The following SCNN1G variants were observed in gnomAD, a reference collection of about 807,000 sequenced individuals.
SCNN1G encodes the protein sodium channel epithelial 1 subunit gamma.
A neutral mutation model predicts 64.6 loss-of-function variants in SCNN1G; 27 were observed. The ratio of observed to expected loss-of-function variants is 0.42; its 90% CI spans 0.31 to 0.58. The LOEUF is 0.58. Among genes scored for constraint, SCNN1G ranks in the 20% least tolerant of loss-of-function variants. SCNN1G has a pLI of 0.18. For missense variants in SCNN1G, 743 were observed against 823.4 expected, an observed-to-expected ratio of 0.90 and a Z score of 1.19; for synonymous variants, 330 against 314.2, an observed-to-expected ratio of 1.05 and a Z score of -0.53.
At chr16:23,203,947 G>A (rs530747872) in intron 6 of SCNN1G, among the ~76,000 whole-genome samples, 2 of 151,716 alleles carry the variant, frequency 1.3e-5, no homozygotes, top group Admixed American at 1.3e-4. Flanking sequence ...CATGTGAAAC[G>A]CTTGGAAATG....
chr16:23,213,252 C>G (rs1367814512), intron 11 of SCNN1G, 89 bp downstream of exon 11: 2 of 533,854 alleles, frequency 3.7e-6, no homozygotes, highest in Non-Finnish European at 6.5e-6. Context: ...GCCAAATCCT[C>G]TTTTTTTTTT....
chr16:23,209,542 TTATC>T (rs1339402166), intron 6 of SCNN1G, among the ~76,000 whole-genome samples: 1 of 152,188 alleles, frequency 6.6e-6, no homozygotes, highest in African/African-American at 2.4e-5. Context: ...AGCAGGGAAC[TTATC>T]TATCTTGATC....
intron 1 of SCNN1G, among the ~76,000 whole-genome samples, chr16:23,184,717 T>C (rs1326700237): frequency 6.6e-6 from 1 of 151,346 alleles, no homozygotes; most frequent in East Asian, 1.9e-4. Flanking sequence ...CAGCTTCCAA[T>C]TTTAGCCCAT....
intron 3 of SCNN1G, among the ~76,000 whole-genome samples, chr16:23,191,095 T>C (rs1456905870): frequency 1.3e-5 from 2 of 152,036 alleles, no homozygotes; most frequent in African/African-American, 2.4e-5. Flanking sequence ...TCCCCCTACC[T>C]TGGCCTCCCA....
intron 11 of SCNN1G, 121 bp from the exon 12 acceptor site, chr16:23,214,590 TC>T: frequency 1.3e-6 from 1 of 771,082 alleles, no homozygotes; most frequent in Non-Finnish European, 2.3e-6. Flanking sequence ...GGTTCTAATA[TC>T]CCCAAGGAGC....
chr16:23,214,981 T>C (rs553502766), intron 12 of SCNN1G, 108 bp from the exon 13 acceptor site: 96 of 1,349,258 alleles, frequency 7.1e-5, no homozygotes, highest in Middle Eastern at 6.1e-4. Context: ...CCTCCCAGCC[T>C]GTGCAGGGTC....
intron 2 of SCNN1G, among the ~76,000 whole-genome samples, chr16:23,187,699 T>C (rs1391022503): frequency 2.6e-5 from 4 of 152,088 alleles, no homozygotes; most frequent in Non-Finnish European, 5.9e-5. Context: ...CCCAGCCCCA[T>C]TAATTGAGCT....
chr16:23,185,847 G>A (rs958590583), intron 1 of SCNN1G, among the ~76,000 whole-genome samples: 3 of 152,176 alleles, frequency 2.0e-5, no homozygotes, highest in Non-Finnish European at 4.4e-5. Context: ...GCTACTGGAG[G>A]TGATAAGGCA....
At chr16:23,209,515 A>T (rs1421072629) in intron 6 of SCNN1G, among the ~76,000 whole-genome samples, 2 of 152,204 alleles carry the variant, frequency 1.3e-5, no homozygotes, top group East Asian at 3.8e-4. Context: ...ACCCCACTGG[A>T]AGGTACGTTC....
At chr16:23,191,998 G>C (rs1959715849) in intron 3 of SCNN1G, among the ~76,000 whole-genome samples, 1 of 152,142 alleles carries the variant, frequency 6.6e-6, no homozygotes, top group South Asian at 2.1e-4. Flanking sequence ...CTTGACTTTT[G>C]ATATGATAGG....
At chr16:23,207,520 T>A (rs1960009589) in intron 6 of SCNN1G, among the ~76,000 whole-genome samples, 1 of 152,214 alleles carries the variant, frequency 6.6e-6, no homozygotes, top group South Asian at 2.1e-4. Flanking sequence ...TTGCTACCCA[T>A]CTATTAAGTC....
intron 8 of SCNN1G, 25 bp downstream of exon 8, chr16:23,212,176 T>G: frequency 6.8e-7 from 1 of 1,478,800 alleles, no homozygotes; most frequent in African/African-American, 1.4e-5. Flanking sequence ...GCTCCAGCCT[T>G]GCATGCCCCA....
chr16:23,201,320 A>G (rs1229599440), intron 6 of SCNN1G, among the ~76,000 whole-genome samples: 1 of 152,206 alleles, frequency 6.6e-6, no homozygotes, highest in Admixed American at 6.5e-5. Context: ...GTAAAAGTAT[A>G]AGAACTAAGG....
At chr16:23,203,479 C>T (rs570576489) in intron 6 of SCNN1G, among the ~76,000 whole-genome samples, 2 of 152,126 alleles carry the variant, frequency 1.3e-5, no homozygotes, top group Admixed American at 6.6e-5. Context: ...AGGGATTAAG[C>T]GCTCTGATGG....
At chr16:23,205,147 C>T (rs1486898689) in intron 6 of SCNN1G, among the ~76,000 whole-genome samples, 1 of 152,132 alleles carries the variant, frequency 6.6e-6, no homozygotes, top group Non-Finnish European at 1.5e-5. Flanking sequence ...ATCAAATAGC[C>T]ACTAGGTAGC....
At chr16:23,211,374 G>A (rs1960076497) in intron 7 of SCNN1G, among the ~76,000 whole-genome samples, 1 of 152,106 alleles carries the variant, frequency 6.6e-6, no homozygotes, top group Admixed American at 6.5e-5. Flanking sequence ...AGGAACACAG[G>A]GACTGTGTTT....
intron 4 of SCNN1G, 100 bp downstream of exon 4, chr16:23,192,642 C>G: frequency 1.0e-6 from 1 of 955,122 alleles, no homozygotes; most frequent in Non-Finnish European, 1.6e-6. Context: ...GTCTTGGGAG[C>G]AAAAGGTGCT....
intron 2 of SCNN1G, 24 bp downstream of exon 2, chr16:23,186,612 G>A (rs72646489): frequency 7.5e-6 from 12 of 1,600,988 alleles, no homozygotes; most frequent in African/African-American, 5.3e-5. Flanking sequence ...GCAGGGAAAC[G>A]CGAGTAGGGA....
Position 23,186,581 on chromosome 16 carries a change from C to G in SCNN1G, c.310C>G (p.Pro104Ala). The G allele has an allele frequency of 6.2e-7, 1 of 1,612,340 alleles. No individual in the cohort carries two copies. The highest frequency in any genetic ancestry group is 1.6e-4 in the Middle Eastern group (1 of 6,062). ...FPAVTICNIN[P>A]YKYSTVRHLL... ...TGCAGTCACCATCTGCAACATCAAC[C>G]CCTACAAGTAAGAGGCATGAGCAGG... The change falls in exon 2 of 13, where the codon CCC (proline) becomes GCC (alanine). Residue 104 changes from proline to alanine, a missense_variant. Physicochemically the swap from Pro to Ala is conservative, Grantham distance 27. Coordinates refer to ENST00000300061, the MANE Select transcript of SCNN1G (RefSeq NM_001039.4).
Sources: allele counts gnomAD v4.1 joint callset (sites outside exome capture counted in the v4.1 genomes callset), GRCh38; gene constraint gnomAD v4.1.1; transcripts MANE v1.5; gene names NCBI Gene and HGNC (gene_info 2026-07-23, HGNC 2026-07-21).